The following LGSN variants were observed in gnomAD, a reference collection of about 807,000 sequenced individuals.
The protein encoded by LGSN is lengsin.
LGSN carries 21 observed loss-of-function variants against 19.5 expected under a neutral mutation model. That is an observed-to-expected ratio of 1.07 (90% CI 0.76 to 1.55). The LOEUF (loss-of-function observed/expected upper bound fraction) is 1.55, where lower values mean the gene tolerates loss of function less well. Among genes scored for constraint, LGSN ranks in the 40% most tolerant of loss-of-function variants. The probability of loss-of-function intolerance (pLI) is 0.00; values close to 1 mark genes in which losing one functional copy is unlikely to be tolerated. For missense variants in LGSN, 673 were observed against 608.5 expected (o/e 1.11, Z -1.12); for synonymous variants, 257 against 215.6 (o/e 1.19, Z -1.68).
chr6:63,406,844 A>T, the LGSN span, among the ~76,000 whole-genome samples: 1 of 151,356 alleles, frequency 6.6e-6, no homozygotes, highest in Non-Finnish European at 1.5e-5. Context: ...GATAAAGGGG[A>T]TTATCACCAC....
the LGSN span, among the ~76,000 whole-genome samples, chr6:63,403,128 T>C: frequency 0.11 from 17,453 of 152,018 alleles, 1,993 homozygotes; most frequent in African/African-American, 0.3. Context: ...AACAACATTC[T>C]ATTGGTTCTG....
chr6:63,451,415 AAAG>A, the LGSN span, among the ~76,000 whole-genome samples: 822 of 152,356 alleles, frequency 5.4e-3, 4 homozygotes, highest in South Asian at 0.024. Context: ...CAGCTGTATA[AAAG>A]AATGAGATCA....
the LGSN span, among the ~76,000 whole-genome samples, chr6:63,356,466 T>C: frequency 6.6e-6 from 1 of 152,032 alleles, no homozygotes; most frequent in South Asian, 2.1e-4. Flanking sequence ...CGCTTGAACC[T>C]GAGAGGCAGA....
chr6:63,372,507 T>C, the LGSN span, among the ~76,000 whole-genome samples: 4 of 152,202 alleles, frequency 2.6e-5, no homozygotes, highest in African/African-American at 9.7e-5. Flanking sequence ...GGGGAAATAA[T>C]GATTAGATGC....
chr6:63,451,180 G>A, the LGSN span, among the ~76,000 whole-genome samples: 1 of 152,168 alleles, frequency 6.6e-6, no homozygotes, highest in Non-Finnish European at 1.5e-5. Flanking sequence ...ACAGTGTGAT[G>A]ATTCCTCAAA....
the LGSN span, among the ~76,000 whole-genome samples, chr6:63,405,765 C>A: frequency 6.6e-6 from 1 of 152,136 alleles, no homozygotes; most frequent in African/African-American, 2.4e-5. Flanking sequence ...CATCAGTGTG[C>A]TGTATTCAGG....
At chr6:63,448,358 T>C in the LGSN span, among the ~76,000 whole-genome samples, 1 of 152,232 alleles carries the variant, frequency 6.6e-6, no homozygotes, top group Non-Finnish European at 1.5e-5. Context: ...ATTTAGCTTA[T>C]GCCTAAATCT....
At chr6:63,450,133 G>T in the LGSN span, among the ~76,000 whole-genome samples, 1 of 149,060 alleles carries the variant, frequency 6.7e-6, no homozygotes, top group Non-Finnish European at 1.5e-5. Flanking sequence ...GATCACATGA[G>T]GTCAGGAGTT....
chr6:63,350,853 A>C, the LGSN span, among the ~76,000 whole-genome samples: 43 of 152,136 alleles, frequency 2.8e-4, no homozygotes, highest in Admixed American at 1.4e-3. Flanking sequence ...TAAAAAAAAA[A>C]AAACAAACAA....
the LGSN span, among the ~76,000 whole-genome samples, chr6:63,465,241 C>A: frequency 5.9e-4 from 90 of 152,092 alleles, no homozygotes; most frequent in African/African-American, 2.1e-3. Flanking sequence ...AGTGCAATGG[C>A]TCCATCTCGG....
chr6:63,300,297 C>T (rs1370093206), intron 1 of LGSN, among the ~76,000 whole-genome samples: 2 of 152,222 alleles, frequency 1.3e-5, no homozygotes, highest in Non-Finnish European at 2.9e-5. Context: ...AGGTGCCACT[C>T]AGGACATTAG....
the LGSN span, among the ~76,000 whole-genome samples, chr6:63,380,461 A>G: frequency 6.6e-6 from 1 of 152,226 alleles, no homozygotes; most frequent in Non-Finnish European, 1.5e-5. Flanking sequence ...TTTATGTTCA[A>G]GCTGCTCCTT....
intron 3 of LGSN, 110 bp from the exon 4 acceptor site, chr6:63,281,330 T>TATATATATATATATATATATATATATAA (rs1360072081): frequency 1.4e-4 from 21 of 149,492 alleles, no homozygotes; most frequent in African/African-American, 5.5e-4. Context: ...TATATATATA[T>TATATATATATATATATATATATATATAA]AATAAATATA....
At chr6:63,452,635 A>C in the LGSN span, among the ~76,000 whole-genome samples, 1 of 146,070 alleles carries the variant, frequency 6.8e-6, no homozygotes, top group African/African-American at 2.5e-5. Context: ...TTTTATTCCT[A>C]ATATTGGTAT....
chr6:63,497,540 G>A, the LGSN span, among the ~76,000 whole-genome samples: 5 of 152,194 alleles, frequency 3.3e-5, no homozygotes, highest in East Asian at 1.9e-4. Context: ...GTGGCAGAGC[G>A]AGACTCCGTC....
chr6:63,316,871 G>A (rs1312475782), intron 1 of LGSN, among the ~76,000 whole-genome samples: 9 of 151,942 alleles, frequency 5.9e-5, no homozygotes, highest in Non-Finnish European at 1.2e-4. Flanking sequence ...GGCTGCTGCA[G>A]CATATAAAAA....
the LGSN span, among the ~76,000 whole-genome samples, chr6:63,531,400 G>GC: frequency 2.0e-5 from 3 of 151,038 alleles, no homozygotes; most frequent in African/African-American, 7.3e-5. Flanking sequence ...TATTTGGAAA[G>GC]AAAAAACATA....
chr6:63,454,463 AC>A, the LGSN span, among the ~76,000 whole-genome samples: 1 of 144,142 alleles, frequency 6.9e-6, no homozygotes, highest in South Asian at 2.2e-4. Flanking sequence ...AGAAGTTTTT[AC>A]ATTTTCTTTT....
chr6:63,480,974 T>C, the LGSN span, among the ~76,000 whole-genome samples: 1 of 29,802 alleles, frequency 3.4e-5, no homozygotes, highest in African/African-American at 7.5e-5. Context: ...TATATATATA[T>C]ATATATATAT....
Sources: allele counts gnomAD v4.1 joint callset (sites outside exome capture counted in the v4.1 genomes callset), GRCh38; gene constraint gnomAD v4.1.1; transcripts MANE v1.5; gene names NCBI Gene and HGNC (gene_info 2026-07-23, HGNC 2026-07-21).